PTPRD: variants seen among roughly 807,000 people sequenced by gnomAD.
PTPRD encodes the protein receptor-type tyrosine-protein phosphatase delta.
In PTPRD, 34 loss-of-function variants were observed where a neutral mutation model predicts 214.5. The ratio of observed to expected loss-of-function variants is 0.16; its 90% CI spans 0.12 to 0.21. The LOEUF is 0.21. Ranked by LOEUF, PTPRD falls within the 10% of genes least tolerant of loss-of-function variation. The pLI is 1.00. For synonymous variants in PTPRD, 1,128 were observed against 845.7 expected (o/e 1.33, Z -5.79); for missense variants, 2,545 against 2,398.7 (o/e 1.06, Z -1.27).
chr9:10,161,253 A>G (rs1457247144), intron 3 of PTPRD, among the ~76,000 whole-genome samples: 1 of 151,914 alleles, frequency 6.6e-6, no homozygotes, highest in African/African-American at 2.4e-5. Flanking sequence ...CTGAATAGCC[A>G]AAGCAATCCT....
chr9:8,493,096 A>G (rs908150648), intron 26 of PTPRD, 117 bp from the exon 27 acceptor site: 2 of 808,560 alleles, frequency 2.5e-6, no homozygotes, highest in African/African-American at 1.7e-5. Context: ...CAGCCATGCT[A>G]AGCCCTGGAA....
chr9:9,663,689 T>C (rs755519063), intron 7 of PTPRD, among the ~76,000 whole-genome samples: 1 of 151,632 alleles, frequency 6.6e-6, no homozygotes, highest in Admixed American at 6.6e-5. Context: ...GAATTTGATC[T>C]TTATTTAAAC....
chr9:8,945,311 A>G (rs1369874711), intron 11 of PTPRD, among the ~76,000 whole-genome samples: 1 of 149,608 alleles, frequency 6.7e-6, no homozygotes, highest in East Asian at 1.9e-4. Context: ...TTAGAATAAA[A>G]TATATATTTG....
intron 9 of PTPRD, among the ~76,000 whole-genome samples, chr9:9,296,003 G>A (rs534624409): frequency 6.6e-6 from 1 of 151,758 alleles, no homozygotes; most frequent in Non-Finnish European, 1.5e-5. Context: ...TGATACCTCA[G>A]GTTTTTTGTT....
At chr9:9,784,070 C>G (rs2154492109) in intron 5 of PTPRD, among the ~76,000 whole-genome samples, 1 of 152,150 alleles carries the variant, frequency 6.6e-6, no homozygotes, top group African/African-American at 2.4e-5. Flanking sequence ...TGTCGTCAGA[C>G]AGATTTACAG....
chr9:9,790,277 G>T (rs758526962), intron 5 of PTPRD, among the ~76,000 whole-genome samples: 35 of 152,176 alleles, frequency 2.3e-4, no homozygotes, highest in Admixed American at 6.5e-4. Context: ...ATATGGCAAA[G>T]AATTTTATAA....
At chr9:9,945,821 T>C (rs2092462582) in intron 4 of PTPRD, among the ~76,000 whole-genome samples, 1 of 152,132 alleles carries the variant, frequency 6.6e-6, no homozygotes, top group Admixed American at 6.6e-5. Flanking sequence ...CCATGTTCTC[T>C]GACCATAATC....
intron 3 of PTPRD, among the ~76,000 whole-genome samples, chr9:10,133,090 T>G (rs1179829704): frequency 1.3e-5 from 2 of 152,180 alleles, no homozygotes; most frequent in East Asian, 3.9e-4. Context: ...GAATTTGAAC[T>G]TCCAGCACAC....
At chr9:9,683,123 C>T (rs1469369036) in intron 7 of PTPRD, among the ~76,000 whole-genome samples, 1 of 151,732 alleles carries the variant, frequency 6.6e-6, no homozygotes, top group Non-Finnish European at 1.5e-5. Flanking sequence ...CTTTTGATGA[C>T]TATTCTTTTT....
intron 12 of PTPRD, among the ~76,000 whole-genome samples, chr9:8,677,573 T>C (rs2097454349): frequency 6.6e-6 from 1 of 152,160 alleles, no homozygotes; most frequent in South Asian, 2.1e-4. Context: ...TCAGGTATTA[T>C]CTGAGTGATG....
In PTPRD at chr9:9,529,272, C is replaced by CA. The variant is rs763492022; in HGVS notation, c.-237+45459dup. Among the ~76,000 whole-genome samples the CA allele has an allele frequency of 1.9e-3, 180 of 96,258 alleles. 2 individuals carry two copies. The highest frequency in any genetic ancestry group is 2.4e-3 in the East Asian group (8 of 3,356). The allele number at this position is 96,258 out of a possible 152,430, so 63.1% of individuals were successfully genotyped here. ...TAGATTGAAATCTAAAAACTCCAAA[C>CA]AAAAAAAAAAAATAATAAATGGATT... On this transcript the variant is annotated intron_variant, in intron 8 of 45. Coordinates refer to ENST00000381196, the MANE Select transcript of PTPRD (RefSeq NM_002839.4).
At chr9:9,617,749 T>G (rs2094967459) in intron 7 of PTPRD, among the ~76,000 whole-genome samples, 1 of 152,010 alleles carries the variant, frequency 6.6e-6, no homozygotes. Context: ...GAAGGATGTT[T>G]AGATGTTTTT....
rs371584117 is a variant in PTPRD, at chr9:9,755,989, G to T, written c.-326+10821C>A. Reference sequence around the variant, plus strand: ...TTATCAAGTAGAAAATAATTAGACCGAGGTTAGAGCTGCTGTCAGCTGTTT... The same window carrying T: ...TTATCAAGTAGAAAATAATTAGACCTAGGTTAGAGCTGCTGTCAGCTGTTT... On this transcript the variant is annotated intron_variant, in intron 6 of 45. Coordinates refer to ENST00000381196, the MANE Select transcript of PTPRD (RefSeq NM_002839.4). 2.4e-3 allele frequency among the ~76,000 whole-genome samples: 368 copies of T among 151,836 alleles called. 3 individuals are homozygous for T. Among genetic ancestry groups the T allele is most frequent in the African/African-American group, 8.4e-3 (350 of 41,474 alleles).
chr9:9,698,647 T>C (rs2097428833), intron 7 of PTPRD, among the ~76,000 whole-genome samples: 1 of 152,158 alleles, frequency 6.6e-6, no homozygotes, highest in Non-Finnish European at 1.5e-5. Context: ...CAGGGATATT[T>C]CTGCCTTCAC....
intron 11 of PTPRD, among the ~76,000 whole-genome samples, chr9:9,010,531 T>C (rs1156815563): frequency 6.6e-6 from 1 of 152,202 alleles, no homozygotes; most frequent in Non-Finnish European, 1.5e-5. Context: ...TTCTGTTATT[T>C]ATTTCCCTGG....
At chr9:8,662,447 G>C (rs1293625967) in intron 12 of PTPRD, among the ~76,000 whole-genome samples, 1 of 152,122 alleles carries the variant, frequency 6.6e-6, no homozygotes, top group South Asian at 2.1e-4. Flanking sequence ...GTATGGTCTG[G>C]GTACAACAGG....
At chr9:9,086,223 TACTGA>T (rs1267625831) in intron 10 of PTPRD, among the ~76,000 whole-genome samples, 4 of 152,340 alleles carry the variant, frequency 2.6e-5, no homozygotes, top group South Asian at 2.1e-4. Context: ...GGGTATAGAA[TACTGA>T]ACCTCCTTCT....
chr9:9,709,726 T>TA (rs2097690723), intron 7 of PTPRD, among the ~76,000 whole-genome samples: 1 of 152,060 alleles, frequency 6.6e-6, no homozygotes, highest in Non-Finnish European at 1.5e-5. Flanking sequence ...GGGGCAAATT[T>TA]TTATAGTACT....
intron 11 of PTPRD, among the ~76,000 whole-genome samples, chr9:8,950,001 A>G (rs546337158): frequency 6.6e-6 from 1 of 152,294 alleles, no homozygotes; most frequent in African/African-American, 2.4e-5. Context: ...CATGTTTGAA[A>G]TATTGTGTTA....
Sources: gnomAD v4.1 joint callset for allele counts (sites outside exome capture counted in the v4.1 genomes callset) on GRCh38, gnomAD v4.1.1 for gene constraint, MANE v1.5 for transcripts, NCBI Gene and HGNC (gene_info 2026-07-23, HGNC 2026-07-21) for gene names.